ERCC6L2: variants seen among roughly 807,000 people sequenced by gnomAD.
ERCC6L2 encodes ERCC excision repair 6 like 2.
ERCC6L2 carries 77 observed loss-of-function variants against 132.0 expected under a neutral mutation model. The observed-to-expected ratio is 0.58, with a 90% CI of 0.49 to 0.71. ERCC6L2 has a LOEUF of 0.71. Among genes scored for constraint, ERCC6L2 ranks in the 30% least tolerant of loss-of-function variants. The pLI is 0.00. For synonymous variants in ERCC6L2, 583 were observed against 632.4 expected, an observed-to-expected ratio of 0.92 and a Z score of 1.17; for missense variants, 1,542 against 1,837.6, an observed-to-expected ratio of 0.84 and a Z score of 2.94.
At chr9:95,896,715 T>C (rs1564202140) in intron 2 of ERCC6L2, among the ~76,000 whole-genome samples, 1 of 152,212 alleles carries the variant, frequency 6.6e-6, no homozygotes, top group Non-Finnish European at 1.5e-5. Flanking sequence ...TGAGCCACTG[T>C]GGCCAGACCA....
rs534910546 is a variant in ERCC6L2, at chr9:95,958,204, C to A, written c.1947+2191C>A. Among the ~76,000 whole-genome samples the A allele has an allele frequency of 2.0e-5, 3 of 152,092 alleles. No individual in the cohort carries two copies. In the South Asian group the frequency reaches 6.2e-4, roughly 32 times the overall value. On this transcript the variant is annotated intron_variant, in intron 13 of 18. Coordinates refer to ENST00000653738, the MANE Select transcript of ERCC6L2 (RefSeq NM_020207.7). The stretch of plus-strand genomic sequence containing the variant: ...CATGTCCCTACAAAGGACATGAACT[C>A]ATCATTTTTTATGGCTGCATAGTAT...
chr9:95,984,332 T>C (rs1164450982), intron 17 of ERCC6L2, among the ~76,000 whole-genome samples: 1 of 150,346 alleles, frequency 6.7e-6, no homozygotes, highest in Non-Finnish European at 1.5e-5. Flanking sequence ...TGTGTATATA[T>C]ATATGTAATA....
At chr9:95,966,759 GT>G (rs1311285503) in intron 14 of ERCC6L2, 45 bp downstream of exon 14, 1 of 1,344,444 alleles carries the variant, frequency 7.4e-7, no homozygotes, top group Non-Finnish European at 9.7e-7. Context: ...TTTAAATACA[GT>G]TTTTCTTCCT....
intron 13 of ERCC6L2, among the ~76,000 whole-genome samples, chr9:95,963,345 GAGTT>G (rs1832001338): frequency 6.6e-6 from 1 of 151,948 alleles, no homozygotes; most frequent in Admixed American, 6.6e-5. Context: ...CCATTTGAGA[GAGTT>G]AGACTTCTCA....
chr9:95,992,623 A>G (rs1833341495), intron 17 of ERCC6L2, among the ~76,000 whole-genome samples: 1 of 152,206 alleles, frequency 6.6e-6, no homozygotes, highest in Non-Finnish European at 1.5e-5. Flanking sequence ...ATCAAATCTC[A>G]CAACTAGTTG....
At chr9:95,950,604 T>C (rs1386377040) in intron 12 of ERCC6L2, among the ~76,000 whole-genome samples, 2 of 152,180 alleles carry the variant, frequency 1.3e-5, no homozygotes, top group Non-Finnish European at 2.9e-5. Context: ...AGACTCACTT[T>C]AGGTCCAAGA....
chr9:95,910,459 C>T (rs1223506655), intron 4 of ERCC6L2, among the ~76,000 whole-genome samples: 2 of 152,086 alleles, frequency 1.3e-5, no homozygotes, highest in East Asian at 1.9e-4. Flanking sequence ...ATATTTTGTC[C>T]ATTCACCAGT....
intron 2 of ERCC6L2, among the ~76,000 whole-genome samples, chr9:95,885,597 T>C (rs897309092): frequency 6.8e-6 from 1 of 147,856 alleles, no homozygotes; most frequent in African/African-American, 2.5e-5. Context: ...ACGTGATAAT[T>C]AGCTAGTTTA....
At position 95,915,788 on chromosome 9, in the gene ERCC6L2, C is replaced by G. The variant is rs921957617; in HGVS notation, c.909C>G (p.Ile303Met). The change falls in exon 5 of 19, where the codon ATC (isoleucine) becomes ATG (methionine). Residue 303 changes from isoleucine to methionine, a missense_variant. Physicochemically the swap from Ile to Met is conservative, Grantham distance 10. This residue lies in a region of ERCC6L2 where 945 missense variants were observed against 1,105.2 expected (regional missense o/e 0.86). Transcript: ENST00000653738. ...TCCGCATTGGCCTCACTGGAACCAT[C>G]CTTCAGAACAACATGAAGGAACTGT... ...CNVRIGLTGTILQNNMKELWC... is the reference protein window; with the variant it reads ...CNVRIGLTGTMLQNNMKELWC... 3 of 1,613,200 alleles carry G rather than the reference C, an allele frequency of 1.9e-6. No homozygotes were observed. The South Asian group carries it at 3.3e-5, about 18-fold the overall frequency.
chr9:95,876,301 G>A lies in ERCC6L2; in HGVS notation c.46+217G>A, dbSNP rs563459852. 10 of 490,298 alleles carry A rather than the reference G, an allele frequency of 2.0e-5. No homozygotes were observed. In the South Asian group the frequency reaches 3.6e-4, roughly 18 times the overall value. 30.4% of individuals were successfully genotyped at this position (490,298 alleles called of 1,614,324 possible). A position where few individuals can be genotyped will look rare whatever the true frequency, so the allele number is the denominator to read the frequency against. ...GCCCCTGGGATCTAGTGCTGCCTCT[G>A]ACAGTTACTTGCTGAGCAACTTTGG... On this transcript the variant is annotated intron_variant, in intron 1 of 18. Coordinates refer to ENST00000653738, the MANE Select transcript of ERCC6L2 (RefSeq NM_020207.7).
intron 17 of ERCC6L2, among the ~76,000 whole-genome samples, chr9:95,983,035 T>G (rs1832953082): frequency 6.6e-6 from 1 of 152,302 alleles, no homozygotes; most frequent in East Asian, 1.9e-4. Context: ...GGCATTGAAA[T>G]TACTCAAAAA....
At chr9:95,923,546 C>T (rs1829971786) in intron 9 of ERCC6L2, among the ~76,000 whole-genome samples, 167 bp downstream of exon 9, 1 of 152,144 alleles carries the variant, frequency 6.6e-6, no homozygotes, top group Non-Finnish European at 1.5e-5. Flanking sequence ...TCACTATGAA[C>T]CCCGAATACA....
At chr9:95,912,277 T>G (rs1166114892) in intron 4 of ERCC6L2, among the ~76,000 whole-genome samples, 2 of 152,204 alleles carry the variant, frequency 1.3e-5, no homozygotes, top group African/African-American at 4.8e-5. Context: ...CTGTCTTTGT[T>G]CTTGAGGCTT....
chr9:96,008,647 G>A (rs1833936186), intron 18 of ERCC6L2, among the ~76,000 whole-genome samples: 1 of 152,168 alleles, frequency 6.6e-6, no homozygotes, highest in African/African-American at 2.4e-5. Flanking sequence ...TATAACATAT[G>A]AGGTCATTTC....
intron 11 of ERCC6L2, among the ~76,000 whole-genome samples, chr9:95,938,343 G>C (rs1233875160): frequency 3.3e-5 from 5 of 151,968 alleles, no homozygotes; most frequent in African/African-American, 1.2e-4. Context: ...GTTCTAGGTG[G>C]AGTGTTCTGC....
chr9:95,950,312 G>A (rs561675154), intron 12 of ERCC6L2, among the ~76,000 whole-genome samples: 1 of 151,830 alleles, frequency 6.6e-6, no homozygotes, highest in African/African-American at 2.4e-5. Context: ...TAATCCCTGT[G>A]GTAACCACAA....
chr9:95,967,606 G>A (rs971660017), intron 14 of ERCC6L2: 3 of 152,122 alleles, frequency 2.0e-5, no homozygotes, highest in African/African-American at 7.2e-5. Flanking sequence ...GTAGACCATG[G>A]ATGGCTGGGG....
At chr9:95,971,362 A>G (rs1410178770) in intron 15 of ERCC6L2, among the ~76,000 whole-genome samples, 1 of 152,194 alleles carries the variant, frequency 6.6e-6, no homozygotes, top group Non-Finnish European at 1.5e-5. Flanking sequence ...AAACTAGGTT[A>G]TATTTAACTC....
intron 17 of ERCC6L2, among the ~76,000 whole-genome samples, chr9:95,982,247 G>A (rs988463966): frequency 1.3e-5 from 2 of 152,238 alleles, no homozygotes; most frequent in East Asian, 1.9e-4. Flanking sequence ...TATATAACCA[G>A]TGCAGGTTTA....
Sources: gnomAD v4.1 joint callset for allele counts (sites outside exome capture counted in the v4.1 genomes callset) on GRCh38, gnomAD v4.1.1 for gene constraint, gnomAD v4.1.1 regional missense constraint, MANE v1.5 for transcripts, NCBI Gene and HGNC (gene_info 2026-07-23, HGNC 2026-07-21) for gene names.